Variants in PKD2L2 observed in about 807,000 individuals in gnomAD.
The protein encoded by PKD2L2 is polycystin-2-like protein 2.
In PKD2L2, 67 loss-of-function variants were observed where a neutral mutation model predicts 83.9. The observed-to-expected ratio is 0.80, with a 90% CI of 0.66 to 0.98. The LOEUF is 0.98. PKD2L2 is among the 50% of genes least tolerant of loss of function. The probability of loss-of-function intolerance (pLI) is 0.00; values close to 1 mark genes in which losing one functional copy is unlikely to be tolerated. For synonymous variants in PKD2L2, 223 were observed against 237.8 expected (o/e 0.94, Z 0.57); for missense variants, 632 against 717.2 (o/e 0.88, Z 1.36).
intron 8 of PKD2L2, among the ~76,000 whole-genome samples, chr5:137,910,231 C>CAATAATAAT (rs67797320): frequency 1.0e-3 from 141 of 138,924 alleles, no homozygotes; most frequent in South Asian, 3.6e-3. Context: ...ATCTCTAAAA[C>CAATAATAAT]AATAATAATA....
chr5:137,910,452 G>T (rs1757736329), intron 8 of PKD2L2, among the ~76,000 whole-genome samples: 1 of 151,746 alleles, frequency 6.6e-6, no homozygotes, highest in Non-Finnish European at 1.5e-5. Flanking sequence ...AGGTTATTCA[G>T]ATCAATCTCC....
At chr5:137,939,867 A>T in intron 14 of PKD2L2, 3 of 1,327,588 alleles carry the variant, frequency 2.3e-6, no homozygotes, top group East Asian at 2.9e-5. Flanking sequence ...CAGTAATGAG[A>T]AACAAAAAGT....
intron 13 of PKD2L2, 111 bp downstream of exon 13, chr5:137,936,020 CTTTA>C: frequency 1.4e-6 from 1 of 694,718 alleles, no homozygotes; most frequent in Non-Finnish European, 2.5e-6. Flanking sequence ...ATTAGGATGC[CTTTA>C]TTTACTTTCT....
intron 14 of PKD2L2, among the ~76,000 whole-genome samples, chr5:137,936,646 G>A (rs1249731380): frequency 6.6e-6 from 1 of 152,156 alleles, no homozygotes; most frequent in African/African-American, 2.4e-5. Flanking sequence ...TAGTAGAGAC[G>A]AGGTTTCACT....
In PKD2L2 at chr5:137,935,927, C is replaced by G. The variant is rs139410985; in HGVS notation, c.1784+18C>G. On this transcript the variant is annotated intron_variant, in intron 13 of 14. Coordinates refer to ENST00000508883, the MANE Select transcript of PKD2L2 (RefSeq NM_001300921.2). ...TTTCGAGAGTAAGCTTATGTTCTAA[C>G]CAGACTATTATGGGATATCATGACA... 273 of 1,305,002 alleles carry G rather than the reference C, an allele frequency of 2.1e-4. 1 individual carries two copies. The East Asian group carries it at 3.3e-3, about 16-fold the overall frequency. 80.8% of individuals were successfully genotyped at this position (1,305,002 alleles called of 1,614,324 possible).
At chr5:137,940,211 TCAAGGAACGTATC>T (rs1761223610) in intron 14 of PKD2L2, 1 of 1,614,008 alleles carries the variant, frequency 6.2e-7, no homozygotes, top group African/African-American at 1.3e-5. Flanking sequence ...ATATGAATTT[TCAAGGAACGTATC>T]TTATATGGAT....
chr5:137,901,022 G>A (rs1053646568), intron 5 of PKD2L2, among the ~76,000 whole-genome samples: 11 of 151,962 alleles, frequency 7.2e-5, no homozygotes, highest in Admixed American at 2.0e-4. Flanking sequence ...TGTAATCCCA[G>A]CTACTCAGAA....
intron 14 of PKD2L2, chr5:137,940,109 A>G: frequency 6.2e-7 from 1 of 1,614,196 alleles, no homozygotes; most frequent in Admixed American, 1.7e-5. Flanking sequence ...AACCAAGTAC[A>G]AAATGAGATT....
At chr5:137,905,492 G>C (rs1757295472) in intron 5 of PKD2L2, among the ~76,000 whole-genome samples, 1 of 152,178 alleles carries the variant, frequency 6.6e-6, no homozygotes, top group East Asian at 1.9e-4. Flanking sequence ...ACCAACATTT[G>C]CTAATATCTT....
At chr5:137,903,449 T>C (rs1351637824) in intron 5 of PKD2L2, among the ~76,000 whole-genome samples, 3 of 152,234 alleles carry the variant, frequency 2.0e-5, no homozygotes, top group African/African-American at 4.8e-5. Context: ...ATTTCTGGGA[T>C]GCTGGCTGCT....
At chr5:137,932,617 G>T (rs1295824461) in intron 12 of PKD2L2, among the ~76,000 whole-genome samples, 1 of 152,168 alleles carries the variant, frequency 6.6e-6, no homozygotes, top group African/African-American at 2.4e-5. Context: ...CTATCTTAGA[G>T]AAGGGGCTTG....
chr5:137,939,307 CATA>C (rs1581020192), intron 14 of PKD2L2: 1 of 152,646 alleles, frequency 6.6e-6, no homozygotes, highest in East Asian at 1.9e-4. Context: ...TTACTTTAGG[CATA>C]ATATTTTGCT....
Position 137,908,877 on chromosome 5 carries a change from C to G in PKD2L2, c.1259C>G (p.Ala420Gly), listed in dbSNP as rs1367573105. The G allele has an allele frequency of 6.2e-7, 1 of 1,608,540 alleles. No homozygotes were observed. The highest frequency in any genetic ancestry group is 8.5e-7 in the Non-Finnish European group (1 of 1,175,674). Residue 420 changes from alanine to glycine, a missense_variant, in exon 8 of 15, where the codon GCT becomes GGT. By Grantham distance (60) the Ala-to-Gly change is moderately conservative (BLOSUM62 0). This residue lies in a region of PKD2L2 where 399 missense variants were observed against 416.9 expected (regional missense o/e 0.96). Coordinates refer to ENST00000508883, the MANE Select transcript of PKD2L2 (RefSeq NM_001300921.2). ...ATCATGTTTTTTATAATATTCTTTG[C>G]TTATGCCCAGTTAGGATTTCTTGTT... is the stretch of plus-strand genomic sequence containing the variant. ...FAIMFFIIFF[A>G]YAQLGFLVFG...
intron 8 of PKD2L2, among the ~76,000 whole-genome samples, chr5:137,915,027 T>A (rs1180828038): frequency 2.6e-5 from 4 of 152,208 alleles, no homozygotes; most frequent in African/African-American, 9.6e-5. Context: ...GACTTGCTAG[T>A]ATTTATTAAG....
At chr5:137,940,801 T>G (rs930248999) in intron 14 of PKD2L2, among the ~76,000 whole-genome samples, 1 of 152,186 alleles carries the variant, frequency 6.6e-6, no homozygotes, top group Admixed American at 6.5e-5. Flanking sequence ...TGCAATTCAG[T>G]TTAATCGCTA....
intron 8 of PKD2L2, among the ~76,000 whole-genome samples, chr5:137,917,650 T>A (rs1223450075): frequency 6.6e-6 from 1 of 152,302 alleles, no homozygotes; most frequent in East Asian, 1.9e-4. Context: ...TTATTGATAT[T>A]TCCATTTTGT....
chr5:137,933,374 G>A (rs1760046734), intron 12 of PKD2L2, among the ~76,000 whole-genome samples: 2 of 152,086 alleles, frequency 1.3e-5, no homozygotes, highest in Admixed American at 1.3e-4. Flanking sequence ...ATCCATCTGT[G>A]GATATTATGA....
chr5:137,940,143 T>C (rs761294707), intron 14 of PKD2L2: 3 of 1,613,978 alleles, frequency 1.9e-6, no homozygotes, highest in Non-Finnish European at 8.5e-7. Flanking sequence ...ACAAAACGAA[T>C]TTAAGTACCA....
chr5:137,930,883 G>C (rs1347844742), intron 12 of PKD2L2, among the ~76,000 whole-genome samples: 1 of 151,946 alleles, frequency 6.6e-6, no homozygotes, highest in Non-Finnish European at 1.5e-5. Context: ...GATTAAAGTA[G>C]AATGAGTTAT....
Sources: gnomAD v4.1 joint callset for allele counts (sites outside exome capture counted in the v4.1 genomes callset) on GRCh38, gnomAD v4.1.1 for gene constraint, gnomAD v4.1.1 regional missense constraint, MANE v1.5 for transcripts, NCBI Gene and HGNC (gene_info 2026-07-23, HGNC 2026-07-21) for gene names.